RYR3: variants seen among roughly 807,000 people sequenced by gnomAD.
RYR3 encodes brain ryanodine receptor-calcium release channel.
In RYR3, 207 loss-of-function variants were observed where a neutral mutation model predicts 584.3. That is an observed-to-expected ratio of 0.35 (90% CI 0.32 to 0.40). RYR3 has a LOEUF of 0.40. Ranked by LOEUF, RYR3 falls within the 10% of genes least tolerant of loss-of-function variation. RYR3 has a pLI of 1.00. For missense variants in RYR3, 5,616 were observed against 6,089.2 expected (o/e 0.92, Z 2.59); for synonymous variants, 2,416 against 2,248.5 (o/e 1.07, Z -2.11).
intron 42 of RYR3, among the ~76,000 whole-genome samples, chr15:33,704,652 A>T (rs985774755): frequency 6.6e-6 from 1 of 152,238 alleles, no homozygotes; most frequent in Non-Finnish European, 1.5e-5. Context: ...TGCTTGTGTG[A>T]AAAGCAGCTG....
At chr15:33,800,078 T>G (rs1050477827) in intron 67 of RYR3, among the ~76,000 whole-genome samples, 5 of 152,200 alleles carry the variant, frequency 3.3e-5, no homozygotes, top group African/African-American at 1.2e-4. Context: ...AAACTGCAGT[T>G]CAACCTTCTT....
chr15:33,532,383 CTTCTGTCCCATGGTCATGGGAAG>C (rs2054957128), intron 4 of RYR3, among the ~76,000 whole-genome samples: 1 of 151,882 alleles, frequency 6.6e-6, no homozygotes. Flanking sequence ...GTCATGGGAC[CTTCTGTCCCATGGTCATGGGAAG>C]GTCATCCATG....
Position 33,647,461 on chromosome 15 carries a change from G to A in RYR3, c.3978+1G>A. On this transcript the variant is annotated splice_donor_variant, in intron 30 of 103. Coordinates refer to ENST00000634891, the MANE Select transcript of RYR3 (RefSeq NM_001036.6). LOFTEE classifies it high-confidence loss of function. ...AGAAATACTCTCTCATACAACAACAGTAAGTAAATGTGCTCAATTATGGTT... is the reference window on the plus strand; with the variant it reads ...AGAAATACTCTCTCATACAACAACAATAAGTAAATGTGCTCAATTATGGTT... The A allele has an allele frequency of 6.3e-7, 1 of 1,593,266 alleles. No individual in the cohort carries two copies. The highest frequency in any genetic ancestry group is 8.6e-7 in the Non-Finnish European group (1 of 1,161,324).
In RYR3 at chr15:33,598,238, A is replaced by C. The variant is rs1318900243; in HGVS notation, c.1789-3181A>C. ...AATTCAGTTAACTGAGAAGAAAAAA[A>C]AATTGCTCAAAAAAAAAAAAAAAAG... On this transcript the variant is annotated intron_variant, in intron 16 of 103. Transcript: ENST00000634891. Among the ~76,000 whole-genome samples the C allele has an allele frequency of 4.5e-5, 5 of 112,056 alleles. No individual in the cohort carries two copies. The East Asian group carries it at 1.4e-3, about 31-fold the overall frequency. The allele number at this position is 112,056 out of a possible 152,430, so 73.5% of individuals were successfully genotyped here.
At chr15:33,616,215 C>T (rs952071267) in intron 19 of RYR3, among the ~76,000 whole-genome samples, 11 of 152,202 alleles carry the variant, frequency 7.2e-5, no homozygotes, top group Non-Finnish European at 1.0e-4. Context: ...GGGATCTTCT[C>T]CAGTCTACTA....
At chr15:33,728,717 T>C in intron 46 of RYR3, 140 bp from the exon 47 acceptor site, 1 of 758,426 alleles carries the variant, frequency 1.3e-6, no homozygotes, top group Non-Finnish European at 1.9e-6. Context: ...GATTTTTGGA[T>C]TTGAGATGCT....
At chr15:33,486,956 G>A (rs1308523549) in intron 2 of RYR3, among the ~76,000 whole-genome samples, 1 of 152,118 alleles carries the variant, frequency 6.6e-6, no homozygotes, top group Non-Finnish European at 1.5e-5. Flanking sequence ...CAGGACTTTT[G>A]AGAGGCCGAG....
At chr15:33,434,964 C>A (rs1313070074) in intron 1 of RYR3, among the ~76,000 whole-genome samples, 1 of 152,030 alleles carries the variant, frequency 6.6e-6, no homozygotes, top group Non-Finnish European at 1.5e-5. Context: ...ACTACAGGTG[C>A]CCACCACCAT....
At chr15:33,620,649 T>C (rs1595862835) in intron 19 of RYR3, among the ~76,000 whole-genome samples, 1 of 152,372 alleles carries the variant, frequency 6.6e-6, no homozygotes, top group East Asian at 1.9e-4. Context: ...ACCTGAATTT[T>C]ATCTCCCTAG....
intron 1 of RYR3, among the ~76,000 whole-genome samples, chr15:33,431,727 C>T (rs1273672957): frequency 1.3e-5 from 2 of 152,136 alleles, no homozygotes; most frequent in East Asian, 1.9e-4. Context: ...GCATGCACTC[C>T]TGCACTCCAG....
intron 60 of RYR3, among the ~76,000 whole-genome samples, chr15:33,761,315 G>T (rs915923152): frequency 6.6e-6 from 1 of 152,242 alleles, no homozygotes; most frequent in Non-Finnish European, 1.5e-5. Context: ...GAATCCAGGA[G>T]CTGTTTTTTT....
chr15:33,416,750 A>G (rs1040881825), intron 1 of RYR3, among the ~76,000 whole-genome samples: 2 of 152,212 alleles, frequency 1.3e-5, no homozygotes, highest in African/African-American at 4.8e-5. Context: ...GGACTTAGTC[A>G]TAACTTTTTT....
intron 1 of RYR3, among the ~76,000 whole-genome samples, chr15:33,376,673 G>A (rs1275107648): frequency 6.6e-6 from 1 of 152,180 alleles, no homozygotes; most frequent in Non-Finnish European, 1.5e-5. Flanking sequence ...GGGAACCCGG[G>A]TAGTACTCCA....
chr15:33,477,575 T>TAAAAAAAA lies in RYR3; in HGVS notation c.171+4048_171+4055dup, dbSNP rs3084422. On this transcript the variant is annotated intron_variant, in intron 2 of 103. Transcript: ENST00000634891. ...GGAATTTAAAGGTATCTTGTTTTGT[T>TAAAAAAAA]AAAAAAAAAAAAAAAAAAGGCTGGG... Among the ~76,000 whole-genome samples the TAAAAAAAA allele has an allele frequency of 3.5e-3, 402 of 116,340 alleles. 5 individuals are homozygous for TAAAAAAAA. Among genetic ancestry groups the TAAAAAAAA allele is most frequent in the African/African-American group, 0.014 (365 of 26,020 alleles). 76.3% of individuals were successfully genotyped at this position (116,340 alleles called of 152,430 possible).
At chr15:33,494,743 A>G (rs2051272375) in intron 2 of RYR3, among the ~76,000 whole-genome samples, 1 of 152,254 alleles carries the variant, frequency 6.6e-6, no homozygotes, top group Admixed American at 6.5e-5. Context: ...AGCAGTGTCT[A>G]AACAACATTA....
chr15:33,661,255 G>A (rs1445206474), intron 34 of RYR3, among the ~76,000 whole-genome samples: 1 of 152,108 alleles, frequency 6.6e-6, no homozygotes, highest in Non-Finnish European at 1.5e-5. Context: ...CGAGGCCCTG[G>A]ACCCACACAA....
chr15:33,556,138 G>T (rs1014027954), intron 10 of RYR3, among the ~76,000 whole-genome samples: 1 of 152,106 alleles, frequency 6.6e-6, no homozygotes, highest in South Asian at 2.1e-4. Context: ...ACATTTCAGG[G>T]TGCCTACAGT....
rs1298070562 is a variant in RYR3 at position 33,554,994 on chromosome 15, A to C, written c.972+4678A>C. ...TAAATGACTACACCATACATCTTGA[A>C]TGATTGGGATAGATTCTCGAATGTT... On this transcript the variant is annotated intron_variant, in intron 10 of 103. Coordinates refer to ENST00000634891, the MANE Select transcript of RYR3 (RefSeq NM_001036.6). Among the ~76,000 whole-genome samples, 4 of 152,332 alleles carry C rather than the reference A, an allele frequency of 2.6e-5. No individual in the cohort carries two copies. In the East Asian group the frequency reaches 7.7e-4, roughly 29 times the overall value.
At chr15:33,822,770 CA>C (rs2077177277) in intron 80 of RYR3, among the ~76,000 whole-genome samples, 1 of 152,192 alleles carries the variant, frequency 6.6e-6, no homozygotes. Context: ...TGCTTGTTCC[CA>C]AATAGAAGGG....
Sources: allele counts gnomAD v4.1 joint callset (sites outside exome capture counted in the v4.1 genomes callset), GRCh38; gene constraint gnomAD v4.1.1; transcripts MANE v1.5; gene names NCBI Gene and HGNC (gene_info 2026-07-23, HGNC 2026-07-21).